Variants in ZZEF1 observed in about 807,000 individuals in gnomAD.
The protein encoded by ZZEF1 is zinc finger ZZ-type and EF-hand domain-containing protein 1.
ZZEF1 carries 157 observed loss-of-function variants against 342.8 expected under a neutral mutation model. The observed-to-expected ratio is 0.46, with a 90% confidence interval of 0.40 to 0.52. The LOEUF (loss-of-function observed/expected upper bound fraction) is 0.52, where lower values mean the gene tolerates loss of function less well. Among genes scored for constraint, ZZEF1 ranks in the 20% least tolerant of loss-of-function variants. ZZEF1 has a pLI of 0.00. For missense variants in ZZEF1, 3,480 were observed against 3,725.6 expected, an observed-to-expected ratio of 0.93 and a Z score of 1.72; for synonymous variants, 1,505 against 1,429.1, an observed-to-expected ratio of 1.05 and a Z score of -1.20.
chr17:4,048,873 A>ATTTTTTTTTTTTT (rs71144157), intron 37 of ZZEF1, among the ~76,000 whole-genome samples: 25 of 133,744 alleles, frequency 1.9e-4, no homozygotes, highest in African/African-American at 3.1e-4. Flanking sequence ...AGCCTGGATA[A>ATTTTTTTTTTTTT]TTTTTTTTTT....
rs534770077 is a variant in ZZEF1 at position 4,042,982 on chromosome 17, T to C, written c.6167-414A>G. ...CAGGCCTGAGCCACTGCTCCCGGCC[T>C]AAAGCTGGGATTTTAAAAGCCTATG... On this transcript the variant is annotated intron_variant, in intron 38 of 54. Transcript: ENST00000381638. Among the ~76,000 whole-genome samples, 10 of 152,276 alleles carry C rather than the reference T, an allele frequency of 6.6e-5. No homozygotes were observed. In the South Asian group the frequency reaches 2.1e-3, roughly 32 times the overall value.
intron 8 of ZZEF1, 27 bp downstream of exon 8, chr17:4,104,606 A>G (rs1284980444): frequency 1.2e-6 from 2 of 1,610,094 alleles, no homozygotes; most frequent in South Asian, 1.1e-5. Context: ...TGACATTTCT[A>G]TCACCCCCAT....
At chr17:4,060,732 T>C (rs767672927) in intron 30 of ZZEF1, among the ~76,000 whole-genome samples, 2 of 152,018 alleles carry the variant, frequency 1.3e-5, no homozygotes, top group Non-Finnish European at 2.9e-5. Flanking sequence ...AACTTAGGTA[T>C]CTTGAGAAAG....
rs757067222 is a variant in ZZEF1, at chr17:4,044,370, T to C, written c.6020A>G (p.Lys2007Arg). ...GAELSEAGNGKRAVHEEIRPV... is the reference protein window; with the variant it reads ...GAELSEAGNGRRAVHEEIRPV... ...TCTGATTTCCTCATGAACAGCTCTC[T>C]TTCCCTAAAAAAACAAAAGTGTAAA... is the stretch of plus-strand genomic sequence containing the variant. The change falls in exon 38 of 55, where the codon AAG becomes AGG. Residue 2007 changes from lysine to arginine, a missense_variant. Physicochemically the swap from Lys to Arg is conservative, Grantham distance 26. Coordinates refer to ENST00000381638, the MANE Select transcript of ZZEF1 (RefSeq NM_015113.4). The C allele has an allele frequency of 9.3e-6, 15 of 1,605,344 alleles. No individual in the cohort carries two copies. In the African/African-American group the frequency reaches 1.6e-4, roughly 17 times the overall value.
rs780485609 is a variant in ZZEF1 at position 4,117,028 on chromosome 17, G to T, written c.638C>A (p.Thr213Asn). 1.2e-6 allele frequency: 2 copies of T among 1,614,016 alleles called. No homozygotes were observed. Among genetic ancestry groups the T allele is most frequent in the South Asian group, 2.2e-5 (2 of 91,070 alleles). The change falls in exon 3 of 55, where the codon ACC becomes AAC. Residue 213 changes from threonine (T) to asparagine (N), a missense_variant. Physicochemically the swap from Thr to Asn is moderately conservative, Grantham distance 65. Coordinates refer to ENST00000381638, the MANE Select transcript of ZZEF1 (RefSeq NM_015113.4). ...PMLEHCNNMC[T>N]MRSSVLKESL... ...CTCCTTCAGGACGGAAGACCGCATG[G>T]TGCACATGTTATTGCAGTGCTCCAG...
chr17:4,032,195 T>C lies in ZZEF1; in HGVS notation c.6823A>G (p.Ile2275Val). ...TTCTTCTCAGTAAAGTGCTTCAAGA[T>C]GATCACATTATGGGGTTCATTGGCA... is the stretch of plus-strand genomic sequence containing the variant. ...DNANEPHNVI[I>V]LKHFTEKNRA... Residue 2275 changes from isoleucine (I) to valine (V), a missense_variant, in exon 42 of 55, where the codon ATC becomes GTC. Ile to Val is a conservative substitution (Grantham distance 29). Transcript: ENST00000381638. 6.2e-7 allele frequency: 1 copy of C among 1,614,170 alleles called. No homozygotes were observed. Among genetic ancestry groups the C allele is most frequent in the Non-Finnish European group, 8.5e-7 (1 of 1,180,024 alleles).
At chr17:4,056,097 G>A in intron 33 of ZZEF1, 119 bp downstream of exon 33, 1 of 1,130,394 alleles carries the variant, frequency 8.8e-7, no homozygotes, top group Non-Finnish European at 1.2e-6. Flanking sequence ...CCTTCACTAG[G>A]GTATTGAATG....
At chr17:4,133,648 A>G (rs556320135) in intron 1 of ZZEF1, among the ~76,000 whole-genome samples, 1 of 152,052 alleles carries the variant, frequency 6.6e-6, no homozygotes, top group Non-Finnish European at 1.5e-5. Flanking sequence ...AACTTCCCAC[A>G]CAACTCCTGC....
At chr17:4,074,374 T>C in intron 23 of ZZEF1, 23 bp from the exon 24 acceptor site, 1 of 1,613,226 alleles carries the variant, frequency 6.2e-7, no homozygotes, top group Admixed American at 1.7e-5. Flanking sequence ...AGAAATCATG[T>C]GGTCAGACAG....
At chr17:4,088,999 T>C in intron 12 of ZZEF1, 106 bp from the exon 13 acceptor site, 4 of 1,013,184 alleles carry the variant, frequency 3.9e-6, no homozygotes, top group Non-Finnish European at 5.8e-6. Flanking sequence ...ATTTTCGTAA[T>C]TTATTAGGAA....
In ZZEF1 at chr17:4,044,390, T is replaced by A. The variant is rs781002613; in HGVS notation, c.6016-16A>T. ...CTCTCTTTCCCTAAAAAAACAAAAG[T>A]GTAAAAGAATTAAGGTTTCTTATAA... is the stretch of plus-strand genomic sequence containing the variant. On this transcript the variant is annotated splice_polypyrimidine_tract_variant and intron_variant, in intron 37 of 54. Coordinates refer to ENST00000381638, the MANE Select transcript of ZZEF1 (RefSeq NM_015113.4). The A allele has an allele frequency of 6.3e-7, 1 of 1,599,158 alleles. No homozygotes were observed. Among genetic ancestry groups the A allele is most frequent in the Non-Finnish European group, 8.5e-7 (1 of 1,174,174 alleles).
At chr17:4,088,090 AT>A (rs2057873239) in intron 13 of ZZEF1, among the ~76,000 whole-genome samples, 3 of 152,166 alleles carry the variant, frequency 2.0e-5, no homozygotes, top group South Asian at 4.1e-4. Context: ...CTGAAGCAGA[AT>A]GGGGATCAAG....
In ZZEF1 at chr17:4,077,886, T is replaced by C. The variant is rs778814611; in HGVS notation, c.2986A>G (p.Lys996Glu). The change falls in exon 19 of 55, where the codon AAA becomes GAA. Residue 996 changes from lysine (K) to glutamate (E), a missense_variant. Coordinates refer to ENST00000381638, the MANE Select transcript of ZZEF1 (RefSeq NM_015113.4). Reference sequence around the variant, plus strand: ...TGGATTTTATATTGAAACTCACATTTTTCAATAAGGTCCACGGCAAGATCT... The same window carrying C: ...TGGATTTTATATTGAAACTCACATTCTTCAATAAGGTCCACGGCAAGATCT... ...AKDLAVDLIE[K>E]YVGQFLASMR... is the part of the protein sequence containing the mutation. The C allele has an allele frequency of 1.2e-6, 2 of 1,613,394 alleles. No homozygotes were observed. The highest frequency in any genetic ancestry group is 3.3e-4 in the Middle Eastern group (2 of 6,060).
intron 1 of ZZEF1, among the ~76,000 whole-genome samples, chr17:4,131,208 C>A (rs1203417072): frequency 2.0e-5 from 3 of 152,034 alleles, no homozygotes; most frequent in African/African-American, 7.2e-5. Flanking sequence ...GAAAATGAAT[C>A]CCCAGGATGA....
rs752826297 is a variant in ZZEF1 at position 4,095,813 on chromosome 17, G to A, written c.1913+18C>T. On this transcript the variant is annotated intron_variant, in intron 11 of 54. Transcript: ENST00000381638. ...GTTCTGTAGATCTTTGTTCTACAAA[G>A]ATTTTTTACCTTCTTACCTGCTTTT... is the stretch of plus-strand genomic sequence containing the variant. 3.8e-6 allele frequency: 6 copies of A among 1,591,502 alleles called. No individual in the cohort carries two copies. The highest frequency in any genetic ancestry group is 3.4e-6 in the Non-Finnish European group (4 of 1,169,010).
chr17:4,030,034 A>C (rs1469227649), intron 42 of ZZEF1, among the ~76,000 whole-genome samples: 2 of 151,682 alleles, frequency 1.3e-5, no homozygotes, highest in Non-Finnish European at 2.9e-5. Context: ...TATTAAAAAA[A>C]AAAAAAAAGA....
chr17:4,050,707 A>G (rs954054533), intron 36 of ZZEF1, 74 bp downstream of exon 36: 1 of 1,595,748 alleles, frequency 6.3e-7, no homozygotes, highest in East Asian at 2.2e-5. Context: ...TAAGCTTAGT[A>G]TTTTACATTT....
intron 54 of ZZEF1, among the ~76,000 whole-genome samples, chr17:4,007,789 A>T (rs1253667331): frequency 7.2e-5 from 11 of 152,058 alleles, no homozygotes; most frequent in Admixed American, 2.6e-4. Flanking sequence ...TACACGTCAA[A>T]GCCTACAACA....
intron 33 of ZZEF1, 67 bp downstream of exon 33, chr17:4,056,149 C>G (rs1295739530): frequency 7.0e-6 from 10 of 1,419,902 alleles, no homozygotes; most frequent in Middle Eastern, 3.9e-4. Flanking sequence ...CAGAACCCCC[C>G]CAGGCAAACT....
Sources: gnomAD v4.1 joint callset for allele counts (sites outside exome capture counted in the v4.1 genomes callset) on GRCh38, gnomAD v4.1.1 for gene constraint, MANE v1.5 for transcripts, NCBI Gene and HGNC (gene_info 2026-07-23, HGNC 2026-07-21) for gene names.